CUL3: variants seen among roughly 807,000 people sequenced by gnomAD.
The protein encoded by CUL3 is cullin 3, also known as cullin-3.
CUL3 carries 19 observed loss-of-function variants against 89.1 expected under a neutral mutation model. That is an observed-to-expected ratio of 0.21 (90% CI 0.15 to 0.31). The LOEUF is 0.31. CUL3 is among the 10% of genes least tolerant of loss of function. CUL3 has a pLI of 1.00. For missense variants in CUL3, 469 were observed against 942.3 expected, an observed-to-expected ratio of 0.50 and a Z score of 6.58; for synonymous variants, 351 against 308.4, an observed-to-expected ratio of 1.14 and a Z score of -1.45.
chr2:224,517,116 CT>C (rs1488681421), intron 3 of CUL3, among the ~76,000 whole-genome samples: 1 of 152,102 alleles, frequency 6.6e-6, no homozygotes, highest in Non-Finnish European at 1.5e-5. Flanking sequence ...ACTATTATTG[CT>C]TAAACTATTT....
rs1305792774 is a variant in CUL3 at position 224,473,389 on chromosome 2, A to T, written c.*856T>A. 1 of 193,130 alleles carries T rather than the reference A, an allele frequency of 5.2e-6. No individual in the cohort carries two copies. The highest frequency in any genetic ancestry group is 1.1e-5 in the Non-Finnish European group (1 of 92,332). The allele number at this position is 193,130 out of a possible 1,614,324, so 12.0% of individuals were successfully genotyped here. ...CCAGCTGCCAACTTTGTGCTCTGAC[A>T]TACTTGAATTAGTGGGTATGTGTAT... On this transcript the variant is annotated 3_prime_UTR_variant, in exon 16 of 16. Coordinates refer to ENST00000264414, the MANE Select transcript of CUL3 (RefSeq NM_003590.5).
intron 3 of CUL3, among the ~76,000 whole-genome samples, chr2:224,528,501 T>C (rs1264283377): frequency 6.6e-6 from 1 of 152,146 alleles, no homozygotes; most frequent in Non-Finnish European, 1.5e-5. Flanking sequence ...ATTCCCAGGT[T>C]TCAATGATTA....
At chr2:224,544,161 A>G (rs1246455113) in intron 2 of CUL3, among the ~76,000 whole-genome samples, 1 of 152,196 alleles carries the variant, frequency 6.6e-6, no homozygotes, top group Non-Finnish European at 1.5e-5. Context: ...GATTAGATCA[A>G]TGACATCATG....
At chr2:224,533,891 T>C (rs1314116741) in intron 3 of CUL3, among the ~76,000 whole-genome samples, 1 of 152,092 alleles carries the variant, frequency 6.6e-6, no homozygotes, top group Non-Finnish European at 1.5e-5. Flanking sequence ...CCAGGGGTAA[T>C]AGGCCTGACT....
chr2:224,500,458 G>C lies in CUL3; in HGVS notation c.1515C>G (p.Val505=), dbSNP rs2106189250. ...GVSLGGVDLT[V]RVLTTGYWPT... The stretch of plus-strand genomic sequence containing the variant: ...GCCAATATCCTGTCGTGAGCACCCG[G>C]ACTGTAAGATCAACACCACCTAAAG... Residue 505 remains valine, a synonymous_variant, in exon 11 of 16, where the codon GTC becomes GTG. Coordinates refer to ENST00000264414, the MANE Select transcript of CUL3 (RefSeq NM_003590.5). 6.2e-7 allele frequency: 1 copy of C among 1,613,794 alleles called. No homozygotes were observed. Among genetic ancestry groups the C allele is most frequent in the Non-Finnish European group, 8.5e-7 (1 of 1,179,904 alleles).
intron 1 of CUL3, among the ~76,000 whole-genome samples, chr2:224,559,848 A>C (rs1003950960): frequency 8.5e-5 from 13 of 152,170 alleles, no homozygotes; most frequent in African/African-American, 3.1e-4. Context: ...TTGGAAAGTC[A>C]AAGCGGGAGG....
At chr2:224,582,663 CA>C (rs767398319) in intron 1 of CUL3, among the ~76,000 whole-genome samples, 9 of 151,408 alleles carry the variant, frequency 5.9e-5, no homozygotes, top group Non-Finnish European at 1.2e-4. Context: ...ACGAAGCTAA[CA>C]AAAAAAAATT....
Position 224,479,956 on chromosome 2 carries a change from G to C in CUL3, c.2030-1611C>G, listed in dbSNP as rs1379341826. The C allele has an allele frequency of 2.6e-5, 4 of 152,078 alleles. No homozygotes were observed. In the East Asian group the frequency reaches 7.7e-4, roughly 29 times the overall value. 9.4% of individuals were successfully genotyped at this position (152,078 alleles called of 1,614,324 possible). A position where few individuals can be genotyped will look rare whatever the true frequency, so the allele number is the denominator to read the frequency against. On this transcript the variant is annotated intron_variant, in intron 14 of 15. Coordinates refer to ENST00000264414, the MANE Select transcript of CUL3 (RefSeq NM_003590.5). ...GCAGATCGTGCTGATGAGTCAAAAT[G>C]AGTATTCTTTTTAAATGGGAGGGGA...
chr2:224,545,500 T>C (rs902515158), intron 2 of CUL3, among the ~76,000 whole-genome samples: 2 of 152,200 alleles, frequency 1.3e-5, no homozygotes, highest in African/African-American at 2.4e-5. Flanking sequence ...TCAGTGGAAA[T>C]ATTCCCCATT....
intron 10 of CUL3, among the ~76,000 whole-genome samples, chr2:224,501,129 A>T (rs908378176): frequency 1.3e-5 from 2 of 152,228 alleles, no homozygotes; most frequent in Non-Finnish European, 2.9e-5. Context: ...AGGGTCAATT[A>T]TATCATTTTA....
At chr2:224,580,131 T>C (rs1695398589) in intron 1 of CUL3, among the ~76,000 whole-genome samples, 1 of 152,336 alleles carries the variant, frequency 6.6e-6, no homozygotes. Context: ...AAAAGTTTTG[T>C]GGTCCTTGTT....
At chr2:224,581,006 G>A (rs1286708761) in intron 1 of CUL3, among the ~76,000 whole-genome samples, 1 of 151,992 alleles carries the variant, frequency 6.6e-6, no homozygotes, top group Non-Finnish European at 1.5e-5. Context: ...GAGATCAAAT[G>A]TGCAGCACAG....
chr2:224,538,447 T>TA (rs1434087383), intron 2 of CUL3, among the ~76,000 whole-genome samples: 1 of 152,088 alleles, frequency 6.6e-6, no homozygotes, highest in East Asian at 1.9e-4. Context: ...TAACATCTTA[T>TA]AAAAAAATTG....
intron 1 of CUL3, among the ~76,000 whole-genome samples, 186 bp downstream of exon 1, chr2:224,584,758 G>C (rs969131439): frequency 7.5e-5 from 11 of 146,424 alleles, no homozygotes; most frequent in Non-Finnish European, 1.5e-4. Flanking sequence ...GGAACGGCCC[G>C]GGAGGGCGGC....
At chr2:224,523,368 C>G (rs1436227124) in intron 3 of CUL3, among the ~76,000 whole-genome samples, 1 of 148,564 alleles carries the variant, frequency 6.7e-6, no homozygotes, top group African/African-American at 2.5e-5. Context: ...CCACCTCATA[C>G]CCATTAGAAG....
chr2:224,537,892 T>G (rs1693953211), intron 2 of CUL3, among the ~76,000 whole-genome samples: 1 of 152,174 alleles, frequency 6.6e-6, no homozygotes, highest in Non-Finnish European at 1.5e-5. Context: ...AAATAAAAAG[T>G]TAATGTTACA....
chr2:224,542,232 C>T (rs751094410), intron 2 of CUL3, among the ~76,000 whole-genome samples: 6 of 152,172 alleles, frequency 3.9e-5, no homozygotes, highest in Admixed American at 6.5e-5. Context: ...TCAAACTTGA[C>T]CACTATTCTT....
rs914413627 is a variant in CUL3, at chr2:224,470,738, G to C, written c.*3507C>G. On this transcript the variant is annotated 3_prime_UTR_variant, in exon 16 of 16. Transcript: ENST00000264414. ...CTGTTTTCCTTCCTACCAAAAGTTG[G>C]TATCAGCAAATAATGTAAAGCTAAC... 18 of 231,658 alleles carry C rather than the reference G, an allele frequency of 7.8e-5. No homozygotes were observed. Among genetic ancestry groups the C allele is most frequent in the African/African-American group, 1.8e-4 (8 of 45,258 alleles). 14.4% of individuals were successfully genotyped at this position (231,658 alleles called of 1,614,324 possible).
intron 2 of CUL3, among the ~76,000 whole-genome samples, chr2:224,545,730 G>A (rs1020164358): frequency 3.9e-5 from 6 of 152,074 alleles, no homozygotes; most frequent in Non-Finnish European, 7.4e-5. Flanking sequence ...GGGGAGAAGG[G>A]GGAGCCTAAT....
Sources: allele counts gnomAD v4.1 joint callset (sites outside exome capture counted in the v4.1 genomes callset), GRCh38; gene constraint gnomAD v4.1.1; transcripts MANE v1.5; gene names NCBI Gene and HGNC (gene_info 2026-07-23, HGNC 2026-07-21).